Variants in SPA17 observed in about 807,000 individuals in gnomAD.
SPA17 encodes sperm surface protein Sp17.
SPA17 carries 7 observed loss-of-function variants against 13.8 expected under a neutral mutation model. The ratio of observed to expected loss-of-function variants is 0.51; its 90% CI spans 0.29 to 0.95. The LOEUF (loss-of-function observed/expected upper bound fraction) is 0.95. SPA17 is among the 40% of genes least tolerant of loss of function. The pLI is 0.08. For missense variants in SPA17, 170 were observed against 179.3 expected, an observed-to-expected ratio of 0.95 and a Z score of 0.30; for synonymous variants, 61 against 59.0, an observed-to-expected ratio of 1.03 and a Z score of -0.16.
In SPA17 at chr11:124,691,709, C is replaced by A; in HGVS notation, c.239C>A (p.Pro80His). Residue 80 changes from proline (P) to histidine (H), a missense_variant, in exon 4 of 5, where the codon CCT becomes CAT. Physicochemically the swap from Pro to His is moderately conservative, Grantham distance 77. Coordinates refer to ENST00000227135, the MANE Select transcript of SPA17 (RefSeq NM_017425.4). ...CTATCTGTCCAGGAGCAAGAACCAC[C>A]TGAGAAAAGTGATCCTAAACAAGAA... ...NNHAFEEQEPPEKSDPKQEES... is the reference protein window; with the variant it reads ...NNHAFEEQEPHEKSDPKQEES... The A allele has an allele frequency of 5.0e-6, 8 of 1,611,814 alleles. No homozygotes were observed. Among genetic ancestry groups the A allele is most frequent in the Non-Finnish European group, 6.8e-6 (8 of 1,179,174 alleles).
At chr11:124,693,532 A>G (rs1224905089) in intron 4 of SPA17, among the ~76,000 whole-genome samples, 1 of 152,068 alleles carries the variant, frequency 6.6e-6, no homozygotes, top group East Asian at 1.9e-4. Context: ...ATATAGAGAA[A>G]TTTTGGAAGG....
At chr11:124,675,565 A>T in intron 2 of SPA17, 147 bp downstream of exon 2, 1 of 763,216 alleles carries the variant, frequency 1.3e-6, no homozygotes, top group Non-Finnish European at 2.1e-6. Context: ...TTGAAACAGT[A>T]TGTACCTCTT....
chr11:124,673,931 C>T lies in SPA17; in HGVS notation c.-49C>T, dbSNP rs1943418551. ...CTAGAAAAACAACCGGAACCGGCGG[C>T]ACCAGCTCGGAGAGAAAGGAGGTGA... On this transcript the variant is annotated 5_prime_UTR_variant, in exon 1 of 5. Coordinates refer to ENST00000227135, the MANE Select transcript of SPA17 (RefSeq NM_017425.4). The T allele has an allele frequency of 1.7e-6, 1 of 587,188 alleles. No homozygotes were observed. The highest frequency in any genetic ancestry group is 3.0e-6 in the Non-Finnish European group (1 of 331,474). 36.4% of individuals were successfully genotyped at this position (587,188 alleles called of 1,614,324 possible). A position where few individuals can be genotyped will look rare whatever the true frequency, so the allele number is the denominator to read the frequency against.
chr11:124,690,169 G>C (rs1378629746), intron 3 of SPA17, among the ~76,000 whole-genome samples: 1 of 152,154 alleles, frequency 6.6e-6, no homozygotes, highest in Non-Finnish European at 1.5e-5. Context: ...TTTTTATGTT[G>C]TTTGCAGCAC....
intron 2 of SPA17, among the ~76,000 whole-genome samples, chr11:124,677,598 TAATTGCTTC>T (rs1258196884): frequency 6.6e-6 from 1 of 152,214 alleles, no homozygotes; most frequent in Non-Finnish European, 1.5e-5. Flanking sequence ...TAAATTGCTT[TAATTGCTTC>T]AAAAATTCGG....
At chr11:124,694,147 A>G in intron 4 of SPA17, 156 bp from the exon 5 acceptor site, 2 of 879,756 alleles carry the variant, frequency 2.3e-6, no homozygotes, top group Non-Finnish European at 3.4e-6. Flanking sequence ...GCCATTTGGT[A>G]CATATACAAT....
At chr11:124,691,003 A>G (rs192083688) in intron 3 of SPA17, among the ~76,000 whole-genome samples, 28 of 152,332 alleles carry the variant, frequency 1.8e-4, no homozygotes, top group African/African-American at 6.7e-4. Flanking sequence ...TAATGTTGAA[A>G]GATTTTAAAT....
In SPA17 at chr11:124,681,412, T is replaced by C; in HGVS notation, c.178T>C (p.Trp60Arg). ...AGAAACCAACTTTGATCCAGCAGAA[T>C]GGGGGAGTAAGGTAGAAGACCGCTT... ...REKTNFDPAE[W>R]GSKVEDRFYN... The change falls in exon 3 of 5, where the codon TGG becomes CGG. Residue 60 changes from tryptophan (W) to arginine (R), a missense_variant. Transcript: ENST00000227135. 1.3e-6 allele frequency: 2 copies of C among 1,579,490 alleles called. No individual in the cohort carries two copies. Among genetic ancestry groups the C allele is most frequent in the African/African-American group, 1.4e-5 (1 of 73,668 alleles).
intron 3 of SPA17, among the ~76,000 whole-genome samples, chr11:124,684,685 T>C (rs1163657862): frequency 6.6e-6 from 1 of 152,150 alleles, no homozygotes; most frequent in African/African-American, 2.4e-5. Context: ...CAAGAAGATG[T>C]TGGAAAATCT....
At chr11:124,685,491 G>T (rs1238368318) in intron 3 of SPA17, among the ~76,000 whole-genome samples, 1 of 152,238 alleles carries the variant, frequency 6.6e-6, no homozygotes, top group African/African-American at 2.4e-5. Context: ...TGCAGAAGGG[G>T]AATGTGAGGT....
intron 4 of SPA17, among the ~76,000 whole-genome samples, chr11:124,692,862 GTC>G (rs1413940699): frequency 1.3e-5 from 2 of 152,154 alleles, no homozygotes; most frequent in Non-Finnish European, 2.9e-5. Flanking sequence ...TCCTTTTTAT[GTC>G]TCAGGTCCCA....
intron 4 of SPA17, among the ~76,000 whole-genome samples, chr11:124,693,643 T>C (rs1204986547): frequency 6.6e-6 from 1 of 152,204 alleles, no homozygotes; most frequent in African/African-American, 2.4e-5. Context: ...TTTTAAAGTG[T>C]ATACATGTCA....
In SPA17 at chr11:124,694,341, T is replaced by A. The variant is rs1361647387; in HGVS notation, c.351T>A (p.Ala117=). The stretch of plus-strand genomic sequence containing the variant: ...AAGATAAGGAAAAAGAAGAGGTTGC[T>A]GCTGTCAAAATCCAAGCTGCCTTCC... The part of the protein sequence containing the change: ...SEEDKEKEEV[A]AVKIQAAFRG... The change falls in exon 5 of 5, where the codon GCT becomes GCA. Residue 117 remains alanine (A), a synonymous_variant. Transcript: ENST00000227135. 3.7e-6 allele frequency: 6 copies of A among 1,614,070 alleles called. No homozygotes were observed. The highest frequency in any genetic ancestry group is 4.2e-6 in the Non-Finnish European group (5 of 1,180,008).
At chr11:124,674,563 C>T (rs1427369546) in intron 1 of SPA17, 1 of 152,156 alleles carries the variant, frequency 6.6e-6, no homozygotes, top group Non-Finnish European at 1.5e-5. Flanking sequence ...TTAATCTAGC[C>T]CTTGTATTTC....
chr11:124,690,645 A>AT (rs563796674), intron 3 of SPA17, among the ~76,000 whole-genome samples: 16 of 152,354 alleles, frequency 1.1e-4, no homozygotes, highest in Admixed American at 1.0e-3. Context: ...AATTCAAAGT[A>AT]TTGGGCCCCA....
rs1179942055 is a variant in SPA17 at position 124,697,392 on chromosome 11, CCT to C, written c.*2949_*2950del. 1 of 152,266 alleles carries C rather than the reference CCT, an allele frequency of 6.6e-6. No individual in the cohort carries two copies. 9.4% of individuals were successfully genotyped at this position (152,266 alleles called of 1,614,324 possible). On this transcript the variant is annotated 3_prime_UTR_variant, in exon 5 of 5. Coordinates refer to ENST00000227135, the MANE Select transcript of SPA17 (RefSeq NM_017425.4). ...CCCAAGGGTCAGCTGCAGCACAGTGCCTCTGCTTCACGTGTCCTTTTCTGAGC... is the reference window on the plus strand; with the variant it reads ...CCCAAGGGTCAGCTGCAGCACAGTGCCTGCTTCACGTGTCCTTTTCTGAGC...
Position 124,675,295 on chromosome 11 carries a change from C to T in SPA17, c.31C>T (p.Arg11Ter). 6.2e-7 allele frequency: 1 copy of T among 1,614,006 alleles called. No homozygotes were observed. Among genetic ancestry groups the T allele is most frequent in the Non-Finnish European group, 8.5e-7 (1 of 1,179,980 alleles). Reference protein sequence around the residue: MSIPFSNTHYRIPQGFGNLLE... With the variant: MSIPFSNTHY Reference sequence around the variant, plus strand: ...GATTCCATTCTCCAACACCCACTACCGAATTCCACAAGGATTTGGGAATCT... The same window carrying T: ...GATTCCATTCTCCAACACCCACTACTGAATTCCACAAGGATTTGGGAATCT... Residue 11 changes from arginine (R) to a stop codon, truncating the protein, a stop_gained, in exon 2 of 5, where the codon CGA becomes TGA. Transcript: ENST00000227135. LOFTEE classifies it high-confidence loss of function.
chr11:124,689,473 AAAT>A (rs1201682679), intron 3 of SPA17, among the ~76,000 whole-genome samples: 1 of 152,140 alleles, frequency 6.6e-6, no homozygotes, highest in East Asian at 1.9e-4. Flanking sequence ...CAACAACAAA[AAAT>A]AAGTAATCTG....
rs1293922379 is a variant in SPA17 at position 124,696,627 on chromosome 11, C to T, written c.*2181C>T. On this transcript the variant is annotated 3_prime_UTR_variant, in exon 5 of 5. Coordinates refer to ENST00000227135, the MANE Select transcript of SPA17 (RefSeq NM_017425.4). The stretch of plus-strand genomic sequence containing the variant: ...AACTTATCTGGTTTTCCTCTTATCT[C>T]TCTGGCTGTTCCTTCTCAATTCCCT... 2.0e-5 allele frequency: 3 copies of T among 152,178 alleles called. No homozygotes were observed. The highest frequency in any genetic ancestry group is 7.2e-5 in the African/African-American group (3 of 41,424). The allele number at this position is 152,178 out of a possible 1,614,324, so 9.4% of individuals were successfully genotyped here.
Sources: gnomAD v4.1 joint callset for allele counts (sites outside exome capture counted in the v4.1 genomes callset) on GRCh38, gnomAD v4.1.1 for gene constraint, MANE v1.5 for transcripts, NCBI Gene and HGNC (gene_info 2026-07-23, HGNC 2026-07-21) for gene names.